ABCC9: variants seen among roughly 807,000 people sequenced by gnomAD.
ABCC9 encodes the protein ATP binding cassette subfamily C member 9.
A neutral mutation model predicts 188.3 loss-of-function variants in ABCC9; 95 were observed. That is an observed-to-expected ratio of 0.50 (90% CI 0.43 to 0.60). The LOEUF (loss-of-function observed/expected upper bound fraction) is 0.60, where lower values mean the gene tolerates loss of function less well. ABCC9 is among the 20% of genes least tolerant of loss of function. ABCC9 has a pLI of 0.00. For synonymous variants in ABCC9, 659 were observed against 652.7 expected, an observed-to-expected ratio of 1.01 and a Z score of -0.15; for missense variants, 1,102 against 1,876.3, an observed-to-expected ratio of 0.59 and a Z score of 7.62.
chr12:21,823,081 A>T (rs1299661008), intron 31 of ABCC9, among the ~76,000 whole-genome samples: 6 of 152,226 alleles, frequency 3.9e-5, no homozygotes, highest in Admixed American at 3.3e-4. Context: ...ACCACCTTCC[A>T]TCCAAATGAT....
At chr12:21,801,876 C>T (rs937088709) in intron 39 of ABCC9, among the ~76,000 whole-genome samples, 2 of 152,156 alleles carry the variant, frequency 1.3e-5, no homozygotes, top group African/African-American at 2.4e-5. Context: ...TTATGTCTCT[C>T]CACTTTATAG....
chr12:21,921,618 T>C (rs909863352), intron 5 of ABCC9, among the ~76,000 whole-genome samples: 3 of 152,116 alleles, frequency 2.0e-5, no homozygotes, highest in African/African-American at 7.2e-5. Flanking sequence ...TGCCTGTGCT[T>C]GAGGGGTGTT....
At chr12:21,805,319 G>C in intron 39 of ABCC9, 1 of 1,612,928 alleles carries the variant, frequency 6.2e-7, no homozygotes, top group Non-Finnish European at 8.5e-7. Context: ...GTGCTGGAGA[G>C]AAAAATAGAA....
chr12:21,912,305 A>G (rs532837197), intron 8 of ABCC9, among the ~76,000 whole-genome samples: 1 of 152,214 alleles, frequency 6.6e-6, no homozygotes, highest in African/African-American at 2.4e-5. Context: ...AAAAGTAGAA[A>G]ATAAAAATTA....
At position 21,832,225 on chromosome 12, in the gene ABCC9, C is replaced by G. The variant is rs187030512; in HGVS notation, c.3567-3165G>C. Among the ~76,000 whole-genome samples, 8 of 152,306 alleles carry G rather than the reference C, an allele frequency of 5.3e-5. No individual in the cohort carries two copies. The East Asian group carries it at 1.5e-3, about 29-fold the overall frequency. ...ATCTCAGTCTAATTTAACTGTGATG[C>G]TTTCGTGGTAAACTACTTGAGGGAG... On this transcript the variant is annotated intron_variant, in intron 30 of 39. Transcript: ENST00000261200.
intron 12 of ABCC9, among the ~76,000 whole-genome samples, chr12:21,901,519 A>T (rs902531594): frequency 3.3e-5 from 5 of 152,228 alleles, no homozygotes; most frequent in Non-Finnish European, 7.3e-5. Flanking sequence ...CAAATTGGAT[A>T]AAGAGTCATG....
chr12:21,877,650 A>AC (rs1453789093), intron 16 of ABCC9, among the ~76,000 whole-genome samples: 1 of 152,150 alleles, frequency 6.6e-6, no homozygotes, highest in Admixed American at 6.5e-5. Flanking sequence ...CCTACATGAC[A>AC]CCGTTGATGT....
At chr12:21,821,474 G>A (rs578203667) in intron 31 of ABCC9, among the ~76,000 whole-genome samples, 143 of 152,032 alleles carry the variant, frequency 9.4e-4, no homozygotes, top group African/African-American at 3.0e-3. Flanking sequence ...AAATGCTGTT[G>A]CTGTGTTTTT....
intron 16 of ABCC9, among the ~76,000 whole-genome samples, chr12:21,881,970 CAT>C (rs767961333): frequency 3.9e-5 from 6 of 152,124 alleles, no homozygotes; most frequent in Non-Finnish European, 7.4e-5. Context: ...CACTCAATCA[CAT>C]GTTTGTTCTG....
chr12:21,809,743 ATAAGGGGATTTAACAC>A, intron 37 of ABCC9, 93 bp downstream of exon 37: 1 of 703,652 alleles, frequency 1.4e-6, no homozygotes, highest in Non-Finnish European at 2.5e-6. Flanking sequence ...TATTTTAAAT[ATAAGGGGATTTAACAC>A]TAAAGTTATG....
Position 21,829,358 on chromosome 12 carries a change from T to C in ABCC9, c.3567-298A>G, listed in dbSNP as rs371636713. ...CTGGGACTACAGGCACCCGCCACCATGCCCGGCTAATTTTTTGTATTTTTA... is the reference window on the plus strand; with the variant it reads ...CTGGGACTACAGGCACCCGCCACCACGCCCGGCTAATTTTTTGTATTTTTA... On this transcript the variant is annotated intron_variant, in intron 30 of 39. Coordinates refer to ENST00000261200, the MANE Select transcript of ABCC9 (RefSeq NM_020297.4). Among the ~76,000 whole-genome samples the C allele has an allele frequency of 3.0e-3, 459 of 152,018 alleles. 5 individuals carry two copies. The East Asian group carries it at 0.043, about 14-fold the overall frequency.
At chr12:21,807,542 A>G in intron 37 of ABCC9, 63 bp from the exon 38 acceptor site, 2 of 1,605,880 alleles carry the variant, frequency 1.2e-6, no homozygotes, top group Non-Finnish European at 1.7e-6. Context: ...ACCTTGGACA[A>G]AATCATGAAA....
chr12:21,870,302 G>C (rs1392655232), intron 18 of ABCC9, among the ~76,000 whole-genome samples: 1 of 151,726 alleles, frequency 6.6e-6, no homozygotes, highest in Non-Finnish European at 1.5e-5. Context: ...TGTCGCCCAG[G>C]CTGGAGTGTG....
intron 24 of ABCC9, among the ~76,000 whole-genome samples, chr12:21,849,657 G>A (rs1565736971): frequency 6.6e-6 from 1 of 152,058 alleles, no homozygotes; most frequent in Non-Finnish European, 1.5e-5. Context: ...TTTCCTAAGA[G>A]TAAATGCTCA....
At chr12:21,925,831 T>A in intron 5 of ABCC9, 111 bp downstream of exon 5, 2 of 1,193,730 alleles carry the variant, frequency 1.7e-6, no homozygotes, top group East Asian at 4.7e-5. Context: ...CCATACTTTC[T>A]ACTCCCCACA....
intron 20 of ABCC9, among the ~76,000 whole-genome samples, chr12:21,861,501 G>A (rs1945446473): frequency 6.6e-6 from 1 of 152,142 alleles, no homozygotes; most frequent in Admixed American, 6.6e-5. Flanking sequence ...CAAAGTGCTA[G>A]GATTACAGGC....
At chr12:21,834,758 A>G (rs1943974379) in intron 30 of ABCC9, among the ~76,000 whole-genome samples, 1 of 148,052 alleles carries the variant, frequency 6.8e-6, no homozygotes, top group African/African-American at 2.5e-5. Context: ...TATATATATG[A>G]CTTATACATA....
At chr12:21,847,625 A>C (rs1199397867) in intron 25 of ABCC9, among the ~76,000 whole-genome samples, 3 of 152,168 alleles carry the variant, frequency 2.0e-5, no homozygotes, top group African/African-American at 7.2e-5. Flanking sequence ...TCACATTTCC[A>C]GTCAATCTTT....
intron 35 of ABCC9, 152 bp from the exon 36 acceptor site, chr12:21,812,309 G>A: frequency 3.0e-6 from 2 of 657,208 alleles, no homozygotes; most frequent in Non-Finnish European, 5.4e-6. Flanking sequence ...CAAGTATCTA[G>A]AACTAGAAAC....
Sources: allele counts gnomAD v4.1 joint callset (sites outside exome capture counted in the v4.1 genomes callset), GRCh38; gene constraint gnomAD v4.1.1; transcripts MANE v1.5; gene names NCBI Gene and HGNC (gene_info 2026-07-23, HGNC 2026-07-21).